INSR: variants seen among roughly 807,000 people sequenced by gnomAD.
INSR encodes insulin receptor.
Under a neutral mutation model 142.6 loss-of-function variants are expected in INSR, and 67 were observed. The observed-to-expected ratio is 0.47, with a 90% CI of 0.39 to 0.58. INSR has a LOEUF of 0.58. Among genes scored for constraint, INSR ranks in the 20% least tolerant of loss-of-function variants. INSR has a pLI of 0.00. For missense variants in INSR, 1,248 were observed against 1,833.2 expected (o/e 0.68, Z 5.83); for synonymous variants, 756 against 743.1 (o/e 1.02, Z -0.28).
At chr19:7,136,848 T>TATATATATATATATATATATATATA (rs71177159) in intron 13 of INSR, among the ~76,000 whole-genome samples, 23 of 143,138 alleles carry the variant, frequency 1.6e-4, no homozygotes, top group African/African-American at 3.4e-4. Flanking sequence ...TATATATATA[T>TATATATATATATATATATATATATA]TGAGATGGTG....
Position 7,144,593 on chromosome 19 carries a change from G to A in INSR, c.2268-1503C>T, listed in dbSNP as rs180824529. 1.3e-4 allele frequency among the ~76,000 whole-genome samples: 20 copies of A among 152,144 alleles called. No homozygotes were observed. In the East Asian group the frequency reaches 2.7e-3, roughly 21 times the overall value. On this transcript the variant is annotated intron_variant, in intron 11 of 21. Coordinates refer to ENST00000302850, the MANE Select transcript of INSR (RefSeq NM_000208.4). ...TAATTTTTGTATTTTTAGTAGAGAC[G>A]GAGTTTCGCCATGTTGGCCAGGCTG...
At chr19:7,161,729 C>T (rs1973753750) in intron 9 of INSR, among the ~76,000 whole-genome samples, 1 of 152,080 alleles carries the variant, frequency 6.6e-6, no homozygotes, top group South Asian at 2.1e-4. Context: ...GCTGCATCCC[C>T]ATCAGTGTGA....
intron 13 of INSR, among the ~76,000 whole-genome samples, chr19:7,140,631 C>G (rs1973045352): frequency 6.6e-6 from 1 of 152,156 alleles, no homozygotes; most frequent in Admixed American, 6.6e-5. Context: ...TATTGTACTT[C>G]CTCAGTCCCA....
In INSR at chr19:7,150,848, TTTC is replaced by T. The variant is rs1237178873; in HGVS notation, c.2232-319_2232-317del. 2.6e-5 allele frequency among the ~76,000 whole-genome samples: 4 copies of T among 152,130 alleles called. No homozygotes were observed. Among genetic ancestry groups the T allele is most frequent in the Non-Finnish European group, 5.9e-5 (4 of 68,006 alleles). ...CCACTTCTCCAAGTCTGGCAGAATT[TTTC>T]TTTTCTTTCCCTTCTTTCTTCTTTC... is the stretch of plus-strand genomic sequence containing the variant. On this transcript the variant is annotated intron_variant, in intron 10 of 21. Transcript: ENST00000302850. The surrounding 1 kb of genome is among the most constrained non-coding windows in gnomAD (Gnocchi z 4.2).
intron 2 of INSR, among the ~76,000 whole-genome samples, chr19:7,190,157 G>A (rs1974539352): frequency 6.6e-6 from 1 of 151,642 alleles, no homozygotes; most frequent in African/African-American, 2.4e-5. Flanking sequence ...GACCAGCCTG[G>A]GTAACAGAGT....
intron 2 of INSR, among the ~76,000 whole-genome samples, chr19:7,207,344 G>A (rs1250994177): frequency 6.7e-6 from 1 of 150,316 alleles, no homozygotes; most frequent in African/African-American, 2.5e-5. Context: ...TTGAACCCGG[G>A]AGGCAGAGGT....
In INSR at chr19:7,119,701, TACATGCAAACACAC is replaced by T. The variant is rs548043043; in HGVS notation, c.3660-132_3660-119del. The T allele has an allele frequency of 1.8e-4, 209 of 1,140,580 alleles. 3 individuals carry two copies. Among genetic ancestry groups the T allele is most frequent in the Middle Eastern group, 5.6e-4 (2 of 3,570 alleles). 70.7% of individuals were successfully genotyped at this position (1,140,580 alleles called of 1,614,324 possible). A position where few individuals can be genotyped will look rare whatever the true frequency, so the allele number is the denominator to read the frequency against. On this transcript the variant is annotated intron_variant, in intron 20 of 21. Coordinates refer to ENST00000302850, the MANE Select transcript of INSR (RefSeq NM_000208.4). The surrounding 1 kb of genome is among the most constrained non-coding windows in gnomAD (Gnocchi z 5.2). Reference sequence around the variant, plus strand: ...ACACGCAAACACACATGCCAACACATACATGCAAACACACACATGCAAACACACACGCACATACA... The same window carrying T: ...ACACGCAAACACACATGCCAACACATACATGCAAACACACACGCACATACA...
At chr19:7,229,332 A>ATGGATGGATG (rs1568204425) in intron 2 of INSR, among the ~76,000 whole-genome samples, 1 of 81,902 alleles carries the variant, frequency 1.2e-5, no homozygotes, top group African/African-American at 4.4e-5. Context: ...ATGGATGGAT[A>ATGGATGGATG]GATGGATGGA....
At chr19:7,276,786 A>G (rs1394537024) in intron 1 of INSR, among the ~76,000 whole-genome samples, 7 of 152,234 alleles carry the variant, frequency 4.6e-5, no homozygotes, top group Admixed American at 4.6e-4. Flanking sequence ...GCTGGAGTGC[A>G]GTAGCGTGAT....
At chr19:7,275,220 C>A (rs1968030242) in intron 1 of INSR, among the ~76,000 whole-genome samples, 1 of 151,910 alleles carries the variant, frequency 6.6e-6, no homozygotes, top group Non-Finnish European at 1.5e-5. Flanking sequence ...GGTGATCCAC[C>A]TGCCTTGGCC....
rs1193037380 is a variant in INSR, at chr19:7,115,207, A to G, written c.*1849T>C. ...GGAAGCAGTCAAAAAGTTGTAAGAA[A>G]ATGCACTCAGGAATAACGCATGGGC... On this transcript the variant is annotated 3_prime_UTR_variant, in exon 22 of 22. Transcript: ENST00000302850. 1 of 152,284 alleles carries G rather than the reference A, an allele frequency of 6.6e-6. No homozygotes were observed. The highest frequency in any genetic ancestry group is 1.5e-5 in the Non-Finnish European group (1 of 68,056). 9.4% of individuals were successfully genotyped at this position (152,284 alleles called of 1,614,324 possible). A position where few individuals can be genotyped will look rare whatever the true frequency, so the allele number is the denominator to read the frequency against.
At chr19:7,153,488 C>CCACA (rs1035164473) in intron 9 of INSR, among the ~76,000 whole-genome samples, 1 of 100,416 alleles carries the variant, frequency 1.0e-5, no homozygotes, top group African/African-American at 3.6e-5. Flanking sequence ...CACACACGCA[C>CCACA]CACACACACA....
At chr19:7,167,035 G>T (rs1240978763) in intron 7 of INSR, among the ~76,000 whole-genome samples, 1 of 152,124 alleles carries the variant, frequency 6.6e-6, no homozygotes. Context: ...CATTGTACTG[G>T]TTCAGCATCT....
chr19:7,170,017 C>G (rs926159932), intron 6 of INSR, among the ~76,000 whole-genome samples: 2 of 152,142 alleles, frequency 1.3e-5, no homozygotes, highest in African/African-American at 4.8e-5. Flanking sequence ...TCCCCAGCCC[C>G]TGGGCCACAG....
At chr19:7,207,275 G>A (rs1975129880) in intron 2 of INSR, among the ~76,000 whole-genome samples, 1 of 152,018 alleles carries the variant, frequency 6.6e-6, no homozygotes, top group African/African-American at 2.4e-5. Context: ...AATTAGCCAG[G>A]CATGGTGGCA....
At position 7,143,003 on chromosome 19, in the gene INSR, C is replaced by G. The variant is rs148137322; in HGVS notation, c.2355G>C (p.Ser785=). ...PTVAAFPNTS[S]TSVPTSPEEH... Reference sequence around the variant, plus strand: ...CCTCCGGACTCGTGGGCACGCTGGTCGAGGAAGTGTTGGGGAAAGCTGCCA... The same window carrying G: ...CCTCCGGACTCGTGGGCACGCTGGTGGAGGAAGTGTTGGGGAAAGCTGCCA... Residue 785 remains serine, a synonymous_variant, in exon 12 of 22, where the codon TCG becomes TCC. Coordinates refer to ENST00000302850, the MANE Select transcript of INSR (RefSeq NM_000208.4). The G allele has an allele frequency of 1.9e-6, 3 of 1,614,182 alleles. No homozygotes were observed. The highest frequency in any genetic ancestry group is 2.2e-5 in the South Asian group (2 of 91,076).
chr19:7,256,323 C>T (rs897136263), intron 2 of INSR, among the ~76,000 whole-genome samples: 2 of 151,960 alleles, frequency 1.3e-5, no homozygotes, highest in Non-Finnish European at 2.9e-5. Flanking sequence ...GTGGTGGGCG[C>T]CTGTAGTCCC....
Position 7,150,417 on chromosome 19 carries a change from TG to T in INSR, c.2267+79del. On this transcript the variant is annotated intron_variant, in intron 11 of 21. Transcript: ENST00000302850. This position sits in a 1 kb window ranked among gnomAD's most constrained non-coding sequence, Gnocchi z 4.2. ...GCATGCAAAAAGCCACAGAAACCCCTGGGTTCTCCGAGGCATCTGCCTGGCA... is the reference window on the plus strand; with the variant it reads ...GCATGCAAAAAGCCACAGAAACCCCTGGTTCTCCGAGGCATCTGCCTGGCA... 1 of 1,339,620 alleles carries T rather than the reference TG, an allele frequency of 7.5e-7. No individual in the cohort carries two copies. Among genetic ancestry groups the T allele is most frequent in the South Asian group, 1.2e-5 (1 of 83,856 alleles). 83.0% of individuals were successfully genotyped at this position (1,339,620 alleles called of 1,614,324 possible).
chr19:7,237,554 G>A (rs556197643), intron 2 of INSR, among the ~76,000 whole-genome samples: 60 of 152,036 alleles, frequency 3.9e-4, no homozygotes, highest in African/African-American at 1.4e-3. Context: ...GGTGGCTCAC[G>A]CCTGTAATCC....
Sources: allele counts gnomAD v4.1 joint callset (sites outside exome capture counted in the v4.1 genomes callset), GRCh38; gene constraint gnomAD v4.1.1; non-coding constraint Gnocchi (gnomAD v3.1); transcripts MANE v1.5; gene names NCBI Gene and HGNC (gene_info 2026-07-23, HGNC 2026-07-21).